The following FOXP2 variants were observed in gnomAD, a reference collection of about 807,000 sequenced individuals.
The protein encoded by FOXP2 is forkhead box P2, also known as forkhead box protein P2.
In FOXP2, 12 loss-of-function variants were observed where a neutral mutation model predicts 115.8. That is an observed-to-expected ratio of 0.10 (90% CI 0.07 to 0.17). The LOEUF is 0.17. Among genes scored for constraint, FOXP2 ranks in the 10% least tolerant of loss-of-function variants. FOXP2 has a pLI of 1.00. For missense variants in FOXP2, 629 were observed against 843.5 expected (o/e 0.75, Z 3.15); for synonymous variants, 328 against 297.7 (o/e 1.10, Z -1.05).
chr7:114,185,211 T>G (rs1239950188), intron 1 of FOXP2, among the ~76,000 whole-genome samples: 9 of 108,620 alleles, frequency 8.3e-5, no homozygotes, highest in Middle Eastern at 4.5e-3. Flanking sequence ...TTTATGTTTA[T>G]TATTCTTTTA....
chr7:114,439,876 C>T (rs1794525167), intron 2 of FOXP2, among the ~76,000 whole-genome samples: 1 of 152,056 alleles, frequency 6.6e-6, no homozygotes, highest in Admixed American at 6.6e-5. Flanking sequence ...ACCTGGCCTA[C>T]ATTATCTTAA....
At chr7:114,387,435 G>T (rs778701476) in intron 2 of FOXP2, among the ~76,000 whole-genome samples, 8 of 152,142 alleles carry the variant, frequency 5.3e-5, no homozygotes, top group Non-Finnish European at 1.2e-4. Flanking sequence ...ATTCTGACTT[G>T]TTAAGAATTT....
In FOXP2 at chr7:114,513,482, C is replaced by T. The variant is rs189969352; in HGVS notation, c.169-21135C>T. On this transcript the variant is annotated intron_variant, in intron 2 of 16. Transcript: ENST00000350908. Reference sequence around the variant, plus strand: ...GATATTCTTAGACCCCACCTCAAGCCTAATTAAATCAGAATCTTAAGGAGT... The same window carrying T: ...GATATTCTTAGACCCCACCTCAAGCTTAATTAAATCAGAATCTTAAGGAGT... Among the ~76,000 whole-genome samples, 237 of 152,168 alleles carry T rather than the reference C, an allele frequency of 1.6e-3. 1 individual carries two copies. Among genetic ancestry groups the T allele is most frequent in the African/African-American group, 5.4e-3 (226 of 41,554 alleles).
At chr7:114,115,265 A>G (rs1791373126) in intron 1 of FOXP2, among the ~76,000 whole-genome samples, 1 of 152,128 alleles carries the variant, frequency 6.6e-6, no homozygotes, top group South Asian at 2.1e-4. Flanking sequence ...TGCTTAATGC[A>G]TATTTGTTGA....
At chr7:114,193,254 G>A (rs1010800102) in intron 1 of FOXP2, among the ~76,000 whole-genome samples, 2 of 152,000 alleles carry the variant, frequency 1.3e-5, no homozygotes, top group African/African-American at 2.4e-5. Context: ...ATCCATGTGA[G>A]GAATGACTAC....
intron 1 of FOXP2, among the ~76,000 whole-genome samples, chr7:114,111,690 A>G (rs1791271066): frequency 6.6e-6 from 1 of 152,046 alleles, no homozygotes; most frequent in African/African-American, 2.4e-5. Flanking sequence ...CACAATTGTC[A>G]TTGTGTAAAA....
At chr7:114,678,871 G>T (rs944801363) in intron 16 of FOXP2, among the ~76,000 whole-genome samples, 1 of 151,940 alleles carries the variant, frequency 6.6e-6, no homozygotes, top group Non-Finnish European at 1.5e-5. Flanking sequence ...ATTCATAGAG[G>T]TTGCTTGAGA....
At chr7:114,435,458 G>T (rs1270393721) in intron 2 of FOXP2, among the ~76,000 whole-genome samples, 3 of 152,156 alleles carry the variant, frequency 2.0e-5, no homozygotes, top group Non-Finnish European at 4.4e-5. Flanking sequence ...TATTGGGAGA[G>T]TAACTGGGAG....
chr7:114,110,226 C>G (rs747380896), intron 1 of FOXP2, among the ~76,000 whole-genome samples: 2 of 152,112 alleles, frequency 1.3e-5, no homozygotes, highest in Non-Finnish European at 2.9e-5. Context: ...CTGATGATTA[C>G]CATTTGGCAC....
chr7:114,594,712 A>G (rs1028188592), intron 3 of FOXP2, among the ~76,000 whole-genome samples: 3 of 152,054 alleles, frequency 2.0e-5, no homozygotes, highest in African/African-American at 7.2e-5. Context: ...CTATGTTCAT[A>G]AGAATATGAT....
intron 3 of FOXP2, among the ~76,000 whole-genome samples, chr7:114,560,785 A>T (rs1406416478): frequency 1.3e-5 from 2 of 152,222 alleles, no homozygotes; most frequent in African/African-American, 4.8e-5. Context: ...AGCTATTAAC[A>T]TTTAATCCTA....
chr7:114,145,431 T>TTTTTCTTTTTTCTTTTCTTTTCTTTTC (rs1554421627), intron 1 of FOXP2, among the ~76,000 whole-genome samples: 1,147 of 100,388 alleles, frequency 0.011, 44 homozygotes, highest in Middle Eastern at 0.024. Flanking sequence ...GCTTTGCCAT[T>TTTTTCTTTTTTCTTTTCTTTTCTTTTC]TTTTCTTTTC....
chr7:114,425,265 T>A (rs1032094059), intron 1 of FOXP2, among the ~76,000 whole-genome samples: 1 of 151,654 alleles, frequency 6.6e-6, no homozygotes, highest in South Asian at 2.1e-4. Flanking sequence ...GATTGAGTGA[T>A]AAGTTTACTG....
chr7:114,607,921 T>G (rs1803418371), intron 3 of FOXP2, among the ~76,000 whole-genome samples: 1 of 152,234 alleles, frequency 6.6e-6, no homozygotes, highest in Non-Finnish European at 1.5e-5. Context: ...TTTACAATTT[T>G]TTATCAATTA....
At chr7:114,643,275 T>C (rs1784998369) in intron 7 of FOXP2, among the ~76,000 whole-genome samples, 1 of 152,124 alleles carries the variant, frequency 6.6e-6, no homozygotes. Context: ...AGAACATTTT[T>C]TAAGCTAAAA....
chr7:114,304,668 T>TTAAA (rs1796964275), intron 2 of FOXP2, among the ~76,000 whole-genome samples: 1 of 43,478 alleles, frequency 2.3e-5, no homozygotes, highest in African/African-American at 9.8e-5. Context: ...AGACTCTGTC[T>TTAAA]CAAAAAAAAA....
intron 3 of FOXP2, among the ~76,000 whole-genome samples, chr7:114,627,532 T>G (rs1804658765): frequency 6.6e-6 from 1 of 152,124 alleles, no homozygotes; most frequent in African/African-American, 2.4e-5. Flanking sequence ...CCAGTTTTTC[T>G]GATCACCACT....
At chr7:114,451,663 G>A (rs1271737012) in intron 2 of FOXP2, among the ~76,000 whole-genome samples, 4 of 152,018 alleles carry the variant, frequency 2.6e-5, no homozygotes, top group South Asian at 2.1e-4. Context: ...GATGGAGAAA[G>A]TACATCATTT....
chr7:114,527,158 C>T (rs1416788579), intron 2 of FOXP2, among the ~76,000 whole-genome samples: 1 of 152,000 alleles, frequency 6.6e-6, no homozygotes, highest in Non-Finnish European at 1.5e-5. Context: ...CTTTTATGGA[C>T]AAATATTCTA....
Sources: gnomAD v4.1 joint callset for allele counts (sites outside exome capture counted in the v4.1 genomes callset) on GRCh38, gnomAD v4.1.1 for gene constraint, MANE v1.5 for transcripts, NCBI Gene and HGNC (gene_info 2026-07-23, HGNC 2026-07-21) for gene names.